The following WWTR1 variants were observed in gnomAD, a reference collection of about 807,000 sequenced individuals.
WWTR1 encodes the protein WW domain containing transcription regulator 1.
In WWTR1, 13 loss-of-function variants were observed where a neutral mutation model predicts 40.1. The observed-to-expected ratio is 0.32, with a 90% confidence interval of 0.21 to 0.52. WWTR1 has a LOEUF of 0.52. Among genes scored for constraint, WWTR1 ranks in the 20% least tolerant of loss-of-function variants. WWTR1 has a pLI of 0.97. For missense variants in WWTR1, 436 were observed against 523.1 expected, an observed-to-expected ratio of 0.83 and a Z score of 1.63; for synonymous variants, 230 against 210.1, an observed-to-expected ratio of 1.09 and a Z score of -0.82.
intron 2 of WWTR1, among the ~76,000 whole-genome samples, chr3:149,629,563 T>TC (rs1711501522): frequency 6.6e-6 from 1 of 152,184 alleles, no homozygotes; most frequent in African/African-American, 2.4e-5. Flanking sequence ...TCTCCTGTTC[T>TC]CCAAATACCA....
At chr3:149,624,723 G>A (rs527916678) in intron 2 of WWTR1, among the ~76,000 whole-genome samples, 111 of 151,700 alleles carry the variant, frequency 7.3e-4, no homozygotes, top group African/African-American at 2.6e-3. Flanking sequence ...TTTTTTAGAT[G>A]GAGTTTGACT....
At chr3:149,665,227 CTT>C (rs11398199) in intron 2 of WWTR1, among the ~76,000 whole-genome samples, 7 of 128,258 alleles carry the variant, frequency 5.5e-5, no homozygotes, top group Admixed American at 8.4e-5. Context: ...TCCTTTCTTT[CTT>C]TTTTTTTTTT....
chr3:149,693,720 G>T (rs1714893577), intron 1 of WWTR1, among the ~76,000 whole-genome samples: 2 of 151,986 alleles, frequency 1.3e-5, no homozygotes, highest in African/African-American at 4.8e-5. Flanking sequence ...TTTCAACAAA[G>T]GTACCAAGAA....
At chr3:149,572,042 G>C (rs1737656195) in intron 3 of WWTR1, among the ~76,000 whole-genome samples, 1 of 152,140 alleles carries the variant, frequency 6.6e-6, no homozygotes, top group African/African-American at 2.4e-5. Context: ...GAAGTAAAAA[G>C]TGAGCCATAT....
At chr3:149,611,262 A>G (rs751802054) in intron 2 of WWTR1, among the ~76,000 whole-genome samples, 2 of 152,232 alleles carry the variant, frequency 1.3e-5, no homozygotes, top group African/African-American at 2.4e-5. Flanking sequence ...GCGTAGCAAG[A>G]CAATGACCCA....
At chr3:149,611,413 T>C (rs1739736956) in intron 2 of WWTR1, among the ~76,000 whole-genome samples, 1 of 152,176 alleles carries the variant, frequency 6.6e-6, no homozygotes, top group Admixed American at 6.5e-5. Context: ...ATGGCACAGT[T>C]GAGTGGAAGC....
intron 5 of WWTR1, among the ~76,000 whole-genome samples, chr3:149,716,889 A>G (rs575479790): frequency 6.6e-6 from 1 of 152,172 alleles, no homozygotes; most frequent in African/African-American, 2.4e-5. Flanking sequence ...AGAATCAAAA[A>G]TTATGGGCCA....
intron 1 of WWTR1, among the ~76,000 whole-genome samples, chr3:149,699,565 T>A (rs1217143161): frequency 6.6e-6 from 1 of 152,154 alleles, no homozygotes; most frequent in Non-Finnish European, 1.5e-5. Flanking sequence ...AGTGCTGGGA[T>A]TACAGGCATG....
chr3:149,722,763 C>A (rs1260873996), intron 4 of WWTR1, among the ~76,000 whole-genome samples: 4 of 151,850 alleles, frequency 2.6e-5, no homozygotes. Flanking sequence ...ATTGTCCTAT[C>A]AAGTTTGCTG....
intron 3 of WWTR1, among the ~76,000 whole-genome samples, chr3:149,553,035 G>T (rs1402687955): frequency 6.6e-6 from 1 of 152,156 alleles, no homozygotes. Context: ...GAACACTAAG[G>T]TTAGCTTCTG....
At chr3:149,570,727 T>C (rs962251896) in intron 3 of WWTR1, among the ~76,000 whole-genome samples, 3 of 151,798 alleles carry the variant, frequency 2.0e-5, no homozygotes, top group African/African-American at 4.8e-5. Flanking sequence ...AATTGGACTT[T>C]GTGTGTGTGT....
At chr3:149,659,331 A>ATTTTTTTTTTTTTTTTTTTT (rs71138403), upstream of WWTR1, 26 of 106,460 alleles carry the variant, frequency 2.4e-4, 1 homozygote, top group African/African-American at 7.7e-4. Flanking sequence ...TTGTGCCTTA[A>ATTTTTTTTTTTTTTTTTTTT]TTTTTTTTTT....
chr3:149,613,727 T>C (rs1418322761), intron 2 of WWTR1, among the ~76,000 whole-genome samples: 1 of 152,074 alleles, frequency 6.6e-6, no homozygotes, highest in Admixed American at 6.6e-5. Flanking sequence ...TTTTAATTTT[T>C]TGTAGAAATG....
rs1208230366 is a variant in WWTR1, at chr3:149,674,081, TG to T, written c.-107-4191del. Among the ~76,000 whole-genome samples, 5 of 99,140 alleles carry T rather than the reference TG, an allele frequency of 5.0e-5. No homozygotes were observed. The Admixed American group carries it at 5.9e-4, about 12-fold the overall frequency. 65.0% of individuals were successfully genotyped at this position (99,140 alleles called of 152,430 possible). On this transcript the variant is annotated intron_variant, in intron 1 of 7. Transcript: ENST00000465804. ...CAAAAAAAAAAAAATTAGCTGGGCA[TG>T]GTAGGCGCAGGCCTGTAGTCCCAGC...
At chr3:149,678,961 C>G (rs928308538) in intron 1 of WWTR1, among the ~76,000 whole-genome samples, 2 of 151,778 alleles carry the variant, frequency 1.3e-5, no homozygotes, top group Admixed American at 6.6e-5. Flanking sequence ...TCCCTAGTAT[C>G]TGGGATTACA....
chr3:149,654,938 A>G (rs1218126219), intron 2 of WWTR1, among the ~76,000 whole-genome samples: 1 of 151,058 alleles, frequency 6.6e-6, no homozygotes, highest in Non-Finnish European at 1.5e-5. Context: ...CCTGGCTAAC[A>G]TGTTGAAACC....
At chr3:149,558,855 C>T (rs1736960941) in intron 3 of WWTR1, among the ~76,000 whole-genome samples, 1 of 152,090 alleles carries the variant, frequency 6.6e-6, no homozygotes, top group African/African-American at 2.4e-5. Flanking sequence ...ATGTGAGATC[C>T]TCAATCACAT....
intron 5 of WWTR1, among the ~76,000 whole-genome samples, chr3:149,710,852 T>C (rs1229942454): frequency 6.6e-6 from 1 of 151,946 alleles, no homozygotes; most frequent in Non-Finnish European, 1.5e-5. Flanking sequence ...GTGCTGGGAT[T>C]ACAGGCATGA....
At chr3:149,713,849 C>T (rs1456729292) in intron 5 of WWTR1, among the ~76,000 whole-genome samples, 3 of 152,322 alleles carry the variant, frequency 2.0e-5, no homozygotes, top group East Asian at 3.9e-4. Context: ...CAGCGGACTT[C>T]GACTTTGTTG....
Sources: allele counts gnomAD v4.1 joint callset (sites outside exome capture counted in the v4.1 genomes callset), GRCh38; gene constraint gnomAD v4.1.1; transcripts MANE v1.5; gene names NCBI Gene and HGNC (gene_info 2026-07-23, HGNC 2026-07-21).